Variants in EPB41L4A observed in about 807,000 individuals in gnomAD.
The protein encoded by EPB41L4A is erythrocyte membrane protein band 4.1 like 4A.
Under a neutral mutation model 108.6 loss-of-function variants are expected in EPB41L4A, and 100 were observed. That is an observed-to-expected ratio of 0.92 (90% CI 0.78 to 1.09). The LOEUF is 1.09. EPB41L4A is among the 50% of genes least tolerant of loss of function. EPB41L4A has a pLI of 0.00. For synonymous variants in EPB41L4A, 319 were observed against 289.0 expected (o/e 1.10, Z -1.05); for missense variants, 1,030 against 842.7 (o/e 1.22, Z -2.75).
At chr5:112,397,152 T>C (rs894232769) in intron 1 of EPB41L4A, among the ~76,000 whole-genome samples, 3 of 152,286 alleles carry the variant, frequency 2.0e-5, no homozygotes, top group African/African-American at 4.8e-5. Context: ...TATGTACCCA[T>C]TGTTTAGCTC....
intron 1 of EPB41L4A, among the ~76,000 whole-genome samples, chr5:112,416,785 T>C (rs1744130577): frequency 6.6e-6 from 1 of 152,232 alleles, no homozygotes; most frequent in African/African-American, 2.4e-5. Flanking sequence ...GTCAAGTATG[T>C]ACAGAACATA....
intron 18 of EPB41L4A, among the ~76,000 whole-genome samples, chr5:112,174,051 A>G (rs755715092): frequency 1.3e-5 from 2 of 152,218 alleles, no homozygotes; most frequent in Non-Finnish European, 2.9e-5. Flanking sequence ...ATAGCACCAT[A>G]AAAGTCCTAT....
At position 112,403,910 on chromosome 5, in the gene EPB41L4A, G is replaced by A. The variant is rs796788455; in HGVS notation, c.99+15031C>T. Among the ~76,000 whole-genome samples the A allele has an allele frequency of 7.8e-4, 118 of 152,162 alleles. 1 individual carries two copies. Among genetic ancestry groups the A allele is most frequent in the African/African-American group, 2.4e-3 (98 of 41,528 alleles). ...ATACAAAGGAGTTATTTTCAGCTAC[G>A]ACCTCCAAAAATTTGAAAAGCTGTA... On this transcript the variant is annotated intron_variant, in intron 1 of 22. Coordinates refer to ENST00000261486, the MANE Select transcript of EPB41L4A (RefSeq NM_022140.5).
intron 17 of EPB41L4A, among the ~76,000 whole-genome samples, chr5:112,186,700 GC>G (rs1761447355): frequency 6.6e-6 from 1 of 152,192 alleles, no homozygotes; most frequent in African/African-American, 2.4e-5. Context: ...TAGTGTGGCG[GC>G]CTTGGCCTGT....
In EPB41L4A at chr5:112,285,828, T is replaced by C. The variant is rs115346821; in HGVS notation, c.205-5505A>G. On this transcript the variant is annotated intron_variant, in intron 2 of 22. Coordinates refer to ENST00000261486, the MANE Select transcript of EPB41L4A (RefSeq NM_022140.5). ...AATGTTTGCAATGTGACAGGCACTGTTGAGGACTCTACATGTGTTTACTCT... is the reference window on the plus strand; with the variant it reads ...AATGTTTGCAATGTGACAGGCACTGCTGAGGACTCTACATGTGTTTACTCT... 5.8e-3 allele frequency among the ~76,000 whole-genome samples: 889 copies of C among 152,330 alleles called. 2 individuals are homozygous for C. Among genetic ancestry groups the C allele is most frequent in the Middle Eastern group, 0.014 (4 of 294 alleles).
Position 112,419,114 on chromosome 5 carries a change from G to C in EPB41L4A, c.-75C>G, listed in dbSNP as rs1396272655. 8 of 1,128,296 alleles carry C rather than the reference G, an allele frequency of 7.1e-6. No homozygotes were observed. Among genetic ancestry groups the C allele is most frequent in the African/African-American group, 1.6e-5 (1 of 64,504 alleles). 69.9% of individuals were successfully genotyped at this position (1,128,296 alleles called of 1,614,324 possible). On this transcript the variant is annotated 5_prime_UTR_variant, in exon 1 of 23. In the 5' UTR this introduces an upstream ATG that the reference lacks. Transcript: ENST00000261486. Reference sequence around the variant, plus strand: ...CCAGCCGCCCCCTCCACTCAAGCGCGATGCATTAATTTATTGTCCGCGCCG... The same window carrying C: ...CCAGCCGCCCCCTCCACTCAAGCGCCATGCATTAATTTATTGTCCGCGCCG...
chr5:112,209,681 G>A (rs1427977), intron 13 of EPB41L4A, among the ~76,000 whole-genome samples: 4,941 of 152,254 alleles, frequency 0.032, 304 homozygotes, highest in African/African-American at 0.11. Context: ...GTGACAAAAA[G>A]AGCACTTTCT....
At chr5:112,176,282 A>G (rs904484592) in intron 18 of EPB41L4A, among the ~76,000 whole-genome samples, 2 of 152,182 alleles carry the variant, frequency 1.3e-5, no homozygotes, top group African/African-American at 2.4e-5. Context: ...ATTAATTGTC[A>G]ATCAATCTCA....
chr5:112,284,498 C>G (rs1447512200), intron 2 of EPB41L4A, among the ~76,000 whole-genome samples: 1 of 152,108 alleles, frequency 6.6e-6, no homozygotes, highest in East Asian at 1.9e-4. Context: ...TGTCCATTCT[C>G]TAGGATAATC....
chr5:112,398,924 A>C (rs1761556811), intron 1 of EPB41L4A, among the ~76,000 whole-genome samples: 4 of 142,962 alleles, frequency 2.8e-5, no homozygotes, highest in Admixed American at 2.7e-4. Flanking sequence ...AGGGGAGTCT[A>C]TCCTAGAAAA....
intron 1 of EPB41L4A, among the ~76,000 whole-genome samples, chr5:112,398,442 G>A (rs1049155119): frequency 2.0e-4 from 30 of 152,142 alleles, no homozygotes; most frequent in African/African-American, 7.2e-4. Flanking sequence ...AGGCTGGAGT[G>A]CAGTGGCACC....
intron 1 of EPB41L4A, among the ~76,000 whole-genome samples, chr5:112,371,847 G>A (rs963565323): frequency 7.9e-5 from 12 of 152,222 alleles, no homozygotes; most frequent in African/African-American, 2.7e-4. Context: ...GCCAGATTGG[G>A]TTAAGTCAGT....
intron 12 of EPB41L4A, among the ~76,000 whole-genome samples, chr5:112,157,387 A>G (rs1391094852): frequency 6.6e-6 from 1 of 152,384 alleles, no homozygotes; most frequent in East Asian, 1.9e-4. Flanking sequence ...GGAGTAACAA[A>G]TAAAGCTCAC....
At chr5:112,360,766 C>A (rs441563) in intron 1 of EPB41L4A, among the ~76,000 whole-genome samples, 100,816 of 151,502 alleles carry the variant, frequency 0.67, 33,681 homozygotes, top group South Asian at 0.82. Context: ...TCTTCCCGGT[C>A]GTCATCCCGT....
At chr5:112,361,382 A>T (rs1758747562) in intron 1 of EPB41L4A, among the ~76,000 whole-genome samples, 2 of 152,134 alleles carry the variant, frequency 1.3e-5, no homozygotes, top group South Asian at 2.1e-4. Context: ...CAAACACTGC[A>T]GAAGGCGGCA....
chr5:112,256,847 A>C (rs1265504533), intron 9 of EPB41L4A: 3 of 152,160 alleles, frequency 2.0e-5, no homozygotes, highest in African/African-American at 7.2e-5. Flanking sequence ...AATAATTTTA[A>C]TTTTCTTCTT....
intron 1 of EPB41L4A, among the ~76,000 whole-genome samples, chr5:112,343,544 T>C (rs1435982478): frequency 6.6e-6 from 1 of 152,042 alleles, no homozygotes; most frequent in Non-Finnish European, 1.5e-5. Context: ...GTTGTTGGTG[T>C]TGCCATCACC....
intron 1 of EPB41L4A, among the ~76,000 whole-genome samples, chr5:112,404,406 A>G (rs1010771297): frequency 1.3e-5 from 2 of 152,202 alleles, no homozygotes; most frequent in East Asian, 1.9e-4. Context: ...GCCACAAGAT[A>G]ATGATTTTTA....
At chr5:112,144,960 A>T (rs938737069) in intron 13 of EPB41L4A, among the ~76,000 whole-genome samples, 5 of 152,144 alleles carry the variant, frequency 3.3e-5, no homozygotes, top group Non-Finnish European at 7.3e-5. Context: ...AATCAATGAA[A>T]CCTAAGTTAA....
Sources: allele counts gnomAD v4.1 joint callset (sites outside exome capture counted in the v4.1 genomes callset), GRCh38; gene constraint gnomAD v4.1.1; transcripts MANE v1.5; gene names NCBI Gene and HGNC (gene_info 2026-07-23, HGNC 2026-07-21).